The following CCDC180 variants were observed in gnomAD, a reference collection of about 807,000 sequenced individuals.
The protein encoded by CCDC180 is coiled-coil domain containing 180.
In CCDC180, 154 loss-of-function variants were observed where a neutral mutation model predicts 209.2. The observed-to-expected ratio is 0.74, with a 90% CI of 0.65 to 0.84. The LOEUF is 0.84. Ranked by LOEUF, CCDC180 falls within the 40% of genes least tolerant of loss-of-function variation. The pLI is 0.00. For missense variants in CCDC180, 1,874 were observed against 1,997.3 expected (o/e 0.94, Z 1.18); for synonymous variants, 778 against 749.1 (o/e 1.04, Z -0.63).
In CCDC180 at chr9:97,370,078, G is replaced by T; in HGVS notation, c.4346G>T (p.Arg1449Ile). 1 of 1,613,698 alleles carries T rather than the reference G, an allele frequency of 6.2e-7. No homozygotes were observed. ...FEEQQKRLEK[R>I]KDKNAQKLHL... ...GAACAGCAGAAGCGGCTGGAGAAAAGAAAGGTGAGGGCCCCAGGACCAGCC... is the reference window on the plus strand; with the variant it reads ...GAACAGCAGAAGCGGCTGGAGAAAATAAAGGTGAGGGCCCCAGGACCAGCC... Residue 1449 changes from arginine (R) to isoleucine (I), a missense_variant, in exon 32 of 37, where the codon AGA becomes ATA. Transcript: ENST00000529487.
intron 9 of CCDC180, among the ~76,000 whole-genome samples, chr9:97,318,162 C>G (rs1057150371): frequency 1.2e-4 from 19 of 152,186 alleles, no homozygotes; most frequent in African/African-American, 4.6e-4. Flanking sequence ...AGGCGGTGGT[C>G]AGGACCCCAT....
rs567660112 is a variant in CCDC180 at position 97,350,979 on chromosome 9, G to A, written c.3002+424G>A. Among the ~76,000 whole-genome samples, 3 of 152,306 alleles carry A rather than the reference G, an allele frequency of 2.0e-5. No homozygotes were observed. The South Asian group carries it at 6.2e-4, about 32-fold the overall frequency. Reference sequence around the variant, plus strand: ...TTCATCCATGTATCATGTATCATGTGTCACAAAATCATTCCTTTTTAAGGC... The same window carrying A: ...TTCATCCATGTATCATGTATCATGTATCACAAAATCATTCCTTTTTAAGGC... On this transcript the variant is annotated intron_variant, in intron 22 of 36. Coordinates refer to ENST00000529487, the MANE Select transcript of CCDC180 (RefSeq NM_020893.6).
chr9:97,323,935 T>G, intron 13 of CCDC180, 32 bp downstream of exon 13: 1 of 1,548,576 alleles, frequency 6.5e-7, no homozygotes, highest in African/African-American at 1.4e-5. Context: ...ACTGGGGAGC[T>G]GAGGTGGGGT....
At chr9:97,335,994 TC>T (rs1825892355) in intron 18 of CCDC180, among the ~76,000 whole-genome samples, 1 of 152,264 alleles carries the variant, frequency 6.6e-6, no homozygotes, top group African/African-American at 2.4e-5. Flanking sequence ...AAGTGTCTGT[TC>T]ATATCCTTTG....
chr9:97,326,299 G>C (rs1833532419), intron 14 of CCDC180, among the ~76,000 whole-genome samples: 1 of 152,208 alleles, frequency 6.6e-6, no homozygotes, highest in African/African-American at 2.4e-5. Flanking sequence ...GTCTCCAGGG[G>C]GTCCCATCTG....
rs374087551 is a variant in CCDC180 at position 97,375,559 on chromosome 9, G to A, written c.4812G>A (p.Ala1604=). ...CCAAAACCACCCTGGGCCACCTGGC[G>A]GCCGTGGAAGCCCGAGATGCTGTGT... ...STTKTTLGHL[A]AVEARDAVYL... is the part of the protein sequence containing the mutation. Residue 1604 remains alanine (A), a synonymous_variant, in exon 36 of 37, where the codon GCG becomes GCA. Transcript: ENST00000529487. 3.8e-5 allele frequency: 61 copies of A among 1,614,110 alleles called. No individual in the cohort carries two copies. In the Middle Eastern group the frequency reaches 8.2e-4, roughly 22 times the overall value.
chr9:97,350,805 C>A (rs1427609429), intron 22 of CCDC180, among the ~76,000 whole-genome samples: 1 of 152,178 alleles, frequency 6.6e-6, no homozygotes, highest in East Asian at 1.9e-4. Flanking sequence ...ACAAGAACTC[C>A]CCATTCCTCC....
chr9:97,350,739 C>T (rs1297294841), intron 22 of CCDC180, among the ~76,000 whole-genome samples, 184 bp downstream of exon 22: 1 of 152,190 alleles, frequency 6.6e-6, no homozygotes, highest in African/African-American at 2.4e-5. Flanking sequence ...CTACCATCAC[C>T]ACCACTGGTC....
At chr9:97,313,440 G>A (rs1833057260) in intron 5 of CCDC180, 95 bp downstream of exon 5, 2 of 820,394 alleles carry the variant, frequency 2.4e-6, no homozygotes, top group Non-Finnish European at 2.0e-6. Context: ...CTCCAGCAGA[G>A]AGGTCCTCAG....
In CCDC180 at chr9:97,377,815, G is replaced by A. The variant is rs1827297642; in HGVS notation, c.*921G>A. Reference sequence around the variant, plus strand: ...GCTCCCCCCACCCCCACCCCAATGTGCTACCTTTCATTGCTTATTATTCCG... The same window carrying A: ...GCTCCCCCCACCCCCACCCCAATGTACTACCTTTCATTGCTTATTATTCCG... On this transcript the variant is annotated 3_prime_UTR_variant, in exon 37 of 37. Transcript: ENST00000529487. The A allele has an allele frequency of 7.0e-6, 1 of 142,784 alleles. No individual in the cohort carries two copies. The allele number at this position is 142,784 out of a possible 1,614,324, so 8.8% of individuals were successfully genotyped here.
At position 97,376,706 on chromosome 9, in the gene CCDC180, G is replaced by A. The variant is rs148329071; in HGVS notation, c.4843-57G>A. On this transcript the variant is annotated intron_variant, in intron 36 of 36. Coordinates refer to ENST00000529487, the MANE Select transcript of CCDC180 (RefSeq NM_020893.6). The stretch of plus-strand genomic sequence containing the variant: ...CCAGCAAGTTACAGCATTGCCCTAG[G>A]GGAGAGGGTCCAGATGTCTCTCCTC... 391 of 1,577,962 alleles carry A rather than the reference G, an allele frequency of 2.5e-4. 1 individual carries two copies. The African/African-American group carries it at 3.9e-3, about 16-fold the overall frequency.
At chr9:97,365,241 C>T (rs1826884180) in intron 29 of CCDC180, 1 of 156,406 alleles carries the variant, frequency 6.4e-6, no homozygotes, top group South Asian at 2.0e-4. Context: ...TAGCTAGAAA[C>T]TCCAGGCACT....
intron 9 of CCDC180, among the ~76,000 whole-genome samples, chr9:97,318,118 AG>A (rs1272684206): frequency 6.6e-6 from 1 of 152,202 alleles, no homozygotes; most frequent in East Asian, 1.9e-4. Flanking sequence ...GGTTCAGAGT[AG>A]GAGAAGGACT....
In CCDC180 at chr9:97,318,424, T is replaced by C. The variant is rs775053551; in HGVS notation, c.960-39T>C. 157 of 1,609,462 alleles carry C rather than the reference T, an allele frequency of 9.8e-5. 6 individuals carry two copies. The South Asian group carries it at 1.7e-3, about 17-fold the overall frequency. On this transcript the variant is annotated intron_variant, in intron 9 of 36. Transcript: ENST00000529487. The stretch of plus-strand genomic sequence containing the variant: ...CCCTCTCTCACTCCTGCCCTGCTCC[T>C]CCTCTCCCCTTTATGGTGCCAACAT...
At chr9:97,327,480 A>G (rs1833571651) in intron 15 of CCDC180, among the ~76,000 whole-genome samples, 1 of 152,130 alleles carries the variant, frequency 6.6e-6, no homozygotes, top group African/African-American at 2.4e-5. Context: ...TATTGGTTCC[A>G]ATTTCTCAAT....
At chr9:97,319,057 A>C (rs1049847192) in intron 10 of CCDC180, among the ~76,000 whole-genome samples, 1 of 152,114 alleles carries the variant, frequency 6.6e-6, no homozygotes, top group Non-Finnish European at 1.5e-5. Flanking sequence ...TAAGAAAGCT[A>C]TTCAGTGGGG....
At chr9:97,314,123 A>G (rs1441725772) in intron 5 of CCDC180, among the ~76,000 whole-genome samples, 1 of 152,218 alleles carries the variant, frequency 6.6e-6, no homozygotes, top group African/African-American at 2.4e-5. Flanking sequence ...TCTTTAATGA[A>G]TATTTGTTGA....
intron 22 of CCDC180, 66 bp downstream of exon 22, chr9:97,350,621 TCCC>T (rs760129288): frequency 2.9e-4 from 431 of 1,477,218 alleles, no homozygotes; most frequent in Non-Finnish European, 3.6e-4. Context: ...TGGTCTTGTT[TCCC>T]CCTTAATTTT....
At chr9:97,334,189 T>C (rs1825835548) in intron 18 of CCDC180, among the ~76,000 whole-genome samples, 1 of 152,190 alleles carries the variant, frequency 6.6e-6, no homozygotes, top group South Asian at 2.1e-4. Flanking sequence ...GCTCCTATCC[T>C]AGAGATAAGG....
Sources: gnomAD v4.1 joint callset for allele counts (sites outside exome capture counted in the v4.1 genomes callset) on GRCh38, gnomAD v4.1.1 for gene constraint, MANE v1.5 for transcripts, NCBI Gene and HGNC (gene_info 2026-07-23, HGNC 2026-07-21) for gene names.